The following ABCC4 variants were observed in gnomAD, a reference collection of about 807,000 sequenced individuals.
ABCC4 encodes the protein ATP-binding cassette sub-family C member 4.
Under a neutral mutation model 168.5 loss-of-function variants are expected in ABCC4, and 102 were observed. The observed-to-expected ratio is 0.61, with a 90% CI of 0.52 to 0.71. The LOEUF is 0.71. ABCC4 is among the 30% of genes least tolerant of loss of function. The pLI, the probability that ABCC4 is intolerant of heterozygous loss-of-function variation, is 0.00. For missense variants in ABCC4, 1,402 were observed against 1,605.8 expected (o/e 0.87, Z 2.17); for synonymous variants, 617 against 590.7 (o/e 1.04, Z -0.65).
chr13:95,051,954 C>T (rs755067907), intron 27 of ABCC4, among the ~76,000 whole-genome samples: 3 of 151,406 alleles, frequency 2.0e-5, no homozygotes, highest in Admixed American at 6.6e-5. Flanking sequence ...CATGAGCCAC[C>T]GGGCCTGGCC....
At chr13:95,205,117 GC>G (rs1282988277) in intron 8 of ABCC4, among the ~76,000 whole-genome samples, 1 of 152,182 alleles carries the variant, frequency 6.6e-6, no homozygotes, top group African/African-American at 2.4e-5. Context: ...GTTACCTGAA[GC>G]TGTTGTCAGA....
chr13:95,228,754 A>G (rs1224397414), intron 4 of ABCC4, among the ~76,000 whole-genome samples: 2 of 146,406 alleles, frequency 1.4e-5, no homozygotes, highest in Non-Finnish European at 3.0e-5. Flanking sequence ...ACAGAGCAAG[A>G]CTCTGTCTTG....
intron 11 of ABCC4, among the ~76,000 whole-genome samples, chr13:95,183,517 G>A (rs1282236634): frequency 6.6e-6 from 1 of 152,170 alleles, no homozygotes; most frequent in Non-Finnish European, 1.5e-5. Flanking sequence ...AATGGCATTT[G>A]AGAATGGTAG....
rs144961247 is a variant in ABCC4 at position 95,127,308 on chromosome 13, C to T, written c.2456-11307G>A. ...ATTTATTTTATTTTATTTTTTGAGACAGAGTCTCTCTCTGTTGCCCAGGCT... is the reference window on the plus strand; with the variant it reads ...ATTTATTTTATTTTATTTTTTGAGATAGAGTCTCTCTCTGTTGCCCAGGCT... On this transcript the variant is annotated intron_variant, in intron 19 of 30. Coordinates refer to ENST00000645237, the MANE Select transcript of ABCC4 (RefSeq NM_005845.5). Among the ~76,000 whole-genome samples, 656 of 152,170 alleles carry T rather than the reference C, an allele frequency of 4.3e-3. 3 individuals are homozygous for T. The highest frequency in any genetic ancestry group is 0.013 in the African/African-American group (557 of 41,512).
chr13:95,281,952 C>T (rs1322818730), intron 1 of ABCC4, among the ~76,000 whole-genome samples: 1 of 152,010 alleles, frequency 6.6e-6, no homozygotes, highest in Non-Finnish European at 1.5e-5. Context: ...ACTAAAAATA[C>T]AAAAATTACC....
intron 19 of ABCC4, among the ~76,000 whole-genome samples, chr13:95,137,189 TA>T (rs1450764816): frequency 6.6e-6 from 1 of 152,204 alleles, no homozygotes; most frequent in African/African-American, 2.4e-5. Context: ...GCCGCTTTCA[TA>T]ACACTTTCCA....
intron 1 of ABCC4, among the ~76,000 whole-genome samples, chr13:95,251,567 A>T (rs992532448): frequency 6.6e-6 from 1 of 152,212 alleles, no homozygotes; most frequent in Non-Finnish European, 1.5e-5. Context: ...CTTTATTAGA[A>T]ATAAACAATA....
At chr13:95,110,925 G>A (rs1000087874) in intron 20 of ABCC4, among the ~76,000 whole-genome samples, 16 of 145,816 alleles carry the variant, frequency 1.1e-4, no homozygotes, top group South Asian at 2.2e-4. Context: ...CTGAGACTGC[G>A]CCACTGCACT....
At position 95,218,994 on chromosome 13, in the gene ABCC4, A is replaced by G. The variant is rs1273320982; in HGVS notation, c.532-8213T>C. On this transcript the variant is annotated intron_variant, in intron 4 of 30. Transcript: ENST00000645237. The stretch of plus-strand genomic sequence containing the variant: ...GAAAGAAAGAAAGAAAGAGTGAGAA[A>G]GAAAGAAAGAGTGAGAAAGAAAGGA... Among the ~76,000 whole-genome samples, 30 of 106,988 alleles carry G rather than the reference A, an allele frequency of 2.8e-4. 1 individual carries two copies. The highest frequency in any genetic ancestry group is 7.5e-4 in the Admixed American group (8 of 10,602). The allele number at this position is 106,988 out of a possible 152,430, so 70.2% of individuals were successfully genotyped here.
At chr13:95,113,370 T>C (rs1280892443) in intron 20 of ABCC4, among the ~76,000 whole-genome samples, 1 of 152,170 alleles carries the variant, frequency 6.6e-6, no homozygotes, top group Admixed American at 6.5e-5. Flanking sequence ...TCCAGAAGAT[T>C]GCTGTTATAA....
At chr13:95,176,367 A>G (rs771916378) in intron 13 of ABCC4, among the ~76,000 whole-genome samples, 3 of 151,594 alleles carry the variant, frequency 2.0e-5, no homozygotes, top group African/African-American at 4.8e-5. Flanking sequence ...TGGTGGTGCT[A>G]GCCTGTAGTC....
intron 20 of ABCC4, among the ~76,000 whole-genome samples, chr13:95,101,905 A>T (rs1255639198): frequency 2.0e-5 from 3 of 152,354 alleles, no homozygotes; most frequent in South Asian, 4.1e-4. Flanking sequence ...CGTAGTATTT[A>T]AAAAGTACCT....
chr13:95,262,914 T>G (rs895148116), intron 1 of ABCC4, among the ~76,000 whole-genome samples: 1 of 152,150 alleles, frequency 6.6e-6, no homozygotes, highest in Non-Finnish European at 1.5e-5. Flanking sequence ...GATTTACAGG[T>G]GTGAGCTACC....
rs1336286481 is a variant in ABCC4 at position 95,247,070 on chromosome 13, C to T, written c.211G>A (p.Ala71Thr). ...GAAGGCTTCTGTGCGTCATTCTCAG[C>T]TCTTAAAACTTCTTTATCCCAGAAC... The part of the protein sequence containing the change: ...QGFWDKEVLR[A>T]ENDAQKPSLT... The change falls in exon 3 of 31, where the codon GCT (alanine) becomes ACT (threonine). Residue 71 changes from alanine to threonine, a missense_variant. Around this residue, in one of 3 missense-constraint regions of ABCC4, gnomAD observed 317 missense variants for 345.5 expected, o/e 0.92. Coordinates refer to ENST00000645237, the MANE Select transcript of ABCC4 (RefSeq NM_005845.5). 4 of 1,613,690 alleles carry T rather than the reference C, an allele frequency of 2.5e-6. No homozygotes were observed. The South Asian group carries it at 3.3e-5, about 13-fold the overall frequency.
chr13:95,263,894 T>G (rs767314081), intron 1 of ABCC4, among the ~76,000 whole-genome samples: 1 of 152,012 alleles, frequency 6.6e-6, no homozygotes, highest in Non-Finnish European at 1.5e-5. Flanking sequence ...AAAGAATATG[T>G]AACTTTTCTT....
intron 29 of ABCC4, among the ~76,000 whole-genome samples, chr13:95,038,287 C>T (rs2032207187): frequency 2.0e-5 from 3 of 147,246 alleles, no homozygotes; most frequent in Admixed American, 1.4e-4. Flanking sequence ...TTATTGCACA[C>T]TTACTGCATT....
intron 20 of ABCC4, among the ~76,000 whole-genome samples, chr13:95,094,822 G>A (rs888968758): frequency 1.9e-4 from 3 of 15,392 alleles, no homozygotes; most frequent in African/African-American, 1.3e-3. Flanking sequence ...GAACAAATCA[G>A]TAAGAAAAAA....
chr13:95,096,302 A>T, intron 20 of ABCC4: 1 of 433,118 alleles, frequency 2.3e-6, no homozygotes, highest in Non-Finnish European at 4.1e-6. Context: ...AATAAAAAAG[A>T]CTGAAAGACT....
chr13:95,162,803 G>A (rs919963040), intron 18 of ABCC4, among the ~76,000 whole-genome samples: 5 of 152,058 alleles, frequency 3.3e-5, no homozygotes, highest in African/African-American at 9.7e-5. Context: ...CTGCCCATCC[G>A]TATAATGATA....
Sources: allele counts gnomAD v4.1 joint callset (sites outside exome capture counted in the v4.1 genomes callset), GRCh38; gene constraint gnomAD v4.1.1; regional missense constraint gnomAD v4.1.1; transcripts MANE v1.5; gene names NCBI Gene and HGNC (gene_info 2026-07-23, HGNC 2026-07-21).